CDYL2: variants seen among roughly 807,000 people sequenced by gnomAD.
The protein encoded by CDYL2 is chromodomain Y-like protein 2.
A neutral mutation model predicts 49.4 loss-of-function variants in CDYL2; 23 were observed. That is an observed-to-expected ratio of 0.47 (90% CI 0.34 to 0.66). The LOEUF (loss-of-function observed/expected upper bound fraction) is 0.66, where lower values mean the gene tolerates loss of function less well. Ranked by LOEUF, CDYL2 falls within the 30% of genes least tolerant of loss-of-function variation. CDYL2 has a pLI of 0.01. For missense variants in CDYL2, 678 were observed against 656.4 expected (o/e 1.03, Z -0.36); for synonymous variants, 360 against 268.8 (o/e 1.34, Z -3.32).
At chr16:80,779,230 T>C (rs1249069611) in intron 1 of CDYL2, among the ~76,000 whole-genome samples, 4 of 152,052 alleles carry the variant, frequency 2.6e-5, no homozygotes, top group African/African-American at 9.7e-5. Context: ...TGAAGAGCTA[T>C]TCAGAATGAA....
chr16:80,715,080 G>C (rs2142517081), intron 1 of CDYL2, among the ~76,000 whole-genome samples: 1 of 152,240 alleles, frequency 6.6e-6, no homozygotes, highest in South Asian at 2.1e-4. Context: ...TACTCATCTG[G>C]AGGAGCAACT....
chr16:80,638,290 G>T (rs1458635922), intron 2 of CDYL2, among the ~76,000 whole-genome samples: 2 of 152,122 alleles, frequency 1.3e-5, no homozygotes, highest in African/African-American at 4.8e-5. Context: ...GCCTAGGCTG[G>T]TCTCAAATTC....
chr16:80,673,026 C>T (rs1909594515), intron 2 of CDYL2, among the ~76,000 whole-genome samples: 1 of 152,140 alleles, frequency 6.6e-6, no homozygotes, highest in Non-Finnish European at 1.5e-5. Flanking sequence ...TCTCTAAAAT[C>T]AACAAGGGAG....
At chr16:80,620,628 G>C in intron 4 of CDYL2, 135 bp downstream of exon 4, 2 of 685,366 alleles carry the variant, frequency 2.9e-6, no homozygotes, top group Non-Finnish European at 4.2e-6. Context: ...CAGACCTCGA[G>C]TATTGCACAG....
chr16:80,802,877 C>A (rs1222178165), intron 1 of CDYL2, among the ~76,000 whole-genome samples: 1 of 152,248 alleles, frequency 6.6e-6, no homozygotes, highest in Non-Finnish European at 1.5e-5. Flanking sequence ...GATCACCCTA[C>A]AATGTCTTAT....
chr16:80,784,692 G>C (rs2142408560), intron 1 of CDYL2, among the ~76,000 whole-genome samples: 1 of 152,304 alleles, frequency 6.6e-6, no homozygotes, highest in South Asian at 2.1e-4. Context: ...TTATGCTCTA[G>C]GTGCTGGGGA....
chr16:80,705,795 A>G (rs1196007995), intron 1 of CDYL2, among the ~76,000 whole-genome samples: 1 of 152,240 alleles, frequency 6.6e-6, no homozygotes, highest in Non-Finnish European at 1.5e-5. Flanking sequence ...TTCCAATAAA[A>G]CTTTATTTAT....
chr16:80,712,586 G>A (rs1904656845), intron 1 of CDYL2, among the ~76,000 whole-genome samples: 1 of 152,092 alleles, frequency 6.6e-6, no homozygotes, highest in African/African-American at 2.4e-5. Flanking sequence ...TGGGAGAAGT[G>A]GGTGGCTGGA....
intron 1 of CDYL2, among the ~76,000 whole-genome samples, chr16:80,798,161 C>G (rs1420452127): frequency 6.6e-6 from 1 of 152,168 alleles, no homozygotes; most frequent in Non-Finnish European, 1.5e-5. Flanking sequence ...CAACCTCAGC[C>G]TCCTGAGTAG....
At chr16:80,647,287 A>G (rs918641011) in intron 2 of CDYL2, among the ~76,000 whole-genome samples, 1 of 152,176 alleles carries the variant, frequency 6.6e-6, no homozygotes, top group Non-Finnish European at 1.5e-5. Context: ...AACTACCCAA[A>G]GTAATCTACA....
chr16:80,659,871 G>A (rs1908970811), intron 2 of CDYL2, among the ~76,000 whole-genome samples: 1 of 151,878 alleles, frequency 6.6e-6, no homozygotes, highest in Admixed American at 6.6e-5. Flanking sequence ...GTTTGAAAGA[G>A]CACTCTAAGT....
intron 1 of CDYL2, among the ~76,000 whole-genome samples, chr16:80,755,473 A>G (rs981518895): frequency 6.6e-6 from 1 of 152,210 alleles, no homozygotes; most frequent in Non-Finnish European, 1.5e-5. Flanking sequence ...ACAGCCAAGA[A>G]ATGGCATAGC....
At chr16:80,674,256 T>C (rs186512290) in intron 2 of CDYL2, among the ~76,000 whole-genome samples, 293 of 152,282 alleles carry the variant, frequency 1.9e-3, no homozygotes, top group Non-Finnish European at 3.3e-3. Flanking sequence ...ACTCAAGCAA[T>C]GCACGTGTCT....
At chr16:80,687,654 T>C (rs1910252616) in intron 1 of CDYL2, among the ~76,000 whole-genome samples, 2 of 152,136 alleles carry the variant, frequency 1.3e-5, no homozygotes, top group African/African-American at 4.8e-5. Context: ...GATTAATAGA[T>C]GACACTTATC....
chr16:80,679,709 G>A (rs1909897402), intron 2 of CDYL2: 1 of 455,972 alleles, frequency 2.2e-6, no homozygotes, highest in African/African-American at 2.0e-5. Context: ...CAGAGCACAA[G>A]CACTTCAAGT....
intron 2 of CDYL2, among the ~76,000 whole-genome samples, chr16:80,645,835 G>A (rs1378676841): frequency 6.6e-6 from 1 of 151,822 alleles, no homozygotes; most frequent in African/African-American, 2.4e-5. Flanking sequence ...GTCCTTTGTA[G>A]GGACATGGAT....
intron 2 of CDYL2, among the ~76,000 whole-genome samples, chr16:80,641,414 G>C (rs1010844903): frequency 1.3e-5 from 2 of 151,994 alleles, no homozygotes; most frequent in Admixed American, 6.6e-5. Flanking sequence ...AACATGAAGG[G>C]GGAATAAAGA....
intron 2 of CDYL2, among the ~76,000 whole-genome samples, chr16:80,635,620 T>C (rs992385789): frequency 2.6e-5 from 4 of 152,134 alleles, no homozygotes; most frequent in East Asian, 1.9e-4. Context: ...ATCAATATCG[T>C]AAAAATGGCC....
rs370550416 is a variant in CDYL2 at position 80,742,898 on chromosome 16, AATGG to A, written c.25-57773_25-57770del. On this transcript the variant is annotated intron_variant, in intron 1 of 6. Coordinates refer to ENST00000570137, the MANE Select transcript of CDYL2 (RefSeq NM_152342.4). ...GTAGATGGGTGAAGGATGGAAAAAG[AATGG>A]ATGGATGGATGGATGGATGGATGAA... 3.3e-3 allele frequency among the ~76,000 whole-genome samples: 484 copies of A among 146,112 alleles called. 3 individuals are homozygous for A. The highest frequency in any genetic ancestry group is 0.011 in the African/African-American group (417 of 39,536).
Sources: gnomAD v4.1 joint callset for allele counts (sites outside exome capture counted in the v4.1 genomes callset) on GRCh38, gnomAD v4.1.1 for gene constraint, MANE v1.5 for transcripts, NCBI Gene and HGNC (gene_info 2026-07-23, HGNC 2026-07-21) for gene names.